MYO16: variants seen among roughly 807,000 people sequenced by gnomAD.
The protein encoded by MYO16 is unconventional myosin-XVI.
In MYO16, 94 loss-of-function variants were observed where a neutral mutation model predicts 205.3. That is an observed-to-expected ratio of 0.46 (90% CI 0.39 to 0.54). The LOEUF (loss-of-function observed/expected upper bound fraction) is 0.54. Among genes scored for constraint, MYO16 ranks in the 20% least tolerant of loss-of-function variants. MYO16 has a pLI of 0.00. For synonymous variants in MYO16, 988 were observed against 954.0 expected, an observed-to-expected ratio of 1.04 and a Z score of -0.66; for missense variants, 2,315 against 2,387.5, an observed-to-expected ratio of 0.97 and a Z score of 0.63.
At chr13:108,568,551 G>A in the MYO16 span, among the ~76,000 whole-genome samples, 11 of 152,164 alleles carry the variant, frequency 7.2e-5, no homozygotes, top group African/African-American at 2.4e-4. Context: ...TGATTGTTGA[G>A]TTGTGAAAGT....
intron 1 of MYO16, among the ~76,000 whole-genome samples, chr13:108,638,298 T>A (rs561408161): frequency 3.9e-5 from 6 of 152,258 alleles, no homozygotes; most frequent in Non-Finnish European, 7.3e-5. Flanking sequence ...TTTGTTTCAC[T>A]TTTTGTTAAT....
At chr13:108,714,343 C>A (rs919667110) in intron 3 of MYO16, among the ~76,000 whole-genome samples, 4 of 152,238 alleles carry the variant, frequency 2.6e-5, no homozygotes, top group Admixed American at 2.0e-4. Context: ...GCGTGAGCCA[C>A]CGTGCCCGCC....
chr13:109,034,827 C>A (rs1215087503), intron 23 of MYO16, among the ~76,000 whole-genome samples: 1 of 152,056 alleles, frequency 6.6e-6, no homozygotes, highest in East Asian at 1.9e-4. Flanking sequence ...CCATTCCTAG[C>A]CCCCTAAAAT....
intron 7 of MYO16, among the ~76,000 whole-genome samples, chr13:108,814,342 T>C (rs1267632537): frequency 2.0e-5 from 3 of 152,124 alleles, no homozygotes; most frequent in Non-Finnish European, 2.9e-5. Flanking sequence ...TCATTGTTTT[T>C]CTTTTCTTTC....
At chr13:108,657,972 T>A (rs1218682411) in intron 1 of MYO16, among the ~76,000 whole-genome samples, 2 of 152,214 alleles carry the variant, frequency 1.3e-5, no homozygotes, top group East Asian at 3.9e-4. Context: ...ATTCATGGGT[T>A]CATTTTGCTA....
chr13:108,787,641 AAAAACAAAAC>A (rs138724573), intron 5 of MYO16, among the ~76,000 whole-genome samples: 15 of 151,812 alleles, frequency 9.9e-5, no homozygotes, highest in African/African-American at 2.4e-4. Flanking sequence ...AGGAGTATGC[AAAAACAAAAC>A]AAAACAAAAC....
chr13:108,919,958 A>G (rs1047414064), intron 16 of MYO16, among the ~76,000 whole-genome samples: 3 of 152,246 alleles, frequency 2.0e-5, no homozygotes, highest in Non-Finnish European at 2.9e-5. Flanking sequence ...GTTCTCCCCA[A>G]ATTAAAATAT....
At chr13:108,574,791 T>G in the MYO16 span, among the ~76,000 whole-genome samples, 1 of 151,980 alleles carries the variant, frequency 6.6e-6, no homozygotes, top group African/African-American at 2.4e-5. Context: ...CTCCCTCAGT[T>G]TGTTAAACAC....
the MYO16 span, among the ~76,000 whole-genome samples, chr13:108,576,958 G>A: frequency 0.17 from 26,045 of 151,972 alleles, 2,472 homozygotes; most frequent in Non-Finnish European, 0.22. Context: ...ACAGGGCCTT[G>A]CTATGTTGCC....
chr13:109,107,238 A>G (rs1889146856), intron 28 of MYO16, among the ~76,000 whole-genome samples: 1 of 152,240 alleles, frequency 6.6e-6, no homozygotes, highest in Non-Finnish European at 1.5e-5. Flanking sequence ...CTTGTGAACA[A>G]AGAAATTCAC....
At chr13:109,200,509 C>A (rs967782457) in intron 34 of MYO16, among the ~76,000 whole-genome samples, 2 of 152,096 alleles carry the variant, frequency 1.3e-5, no homozygotes, top group African/African-American at 4.8e-5. Flanking sequence ...CTACATTATT[C>A]AATACATCAA....
chr13:109,048,478 G>GC, intron 24 of MYO16: 1 of 535,252 alleles, frequency 1.9e-6, no homozygotes. Context: ...CCTTGTTGCA[G>GC]TTACTCACCT....
intron 1 of MYO16, among the ~76,000 whole-genome samples, chr13:108,641,704 C>A (rs907547163): frequency 6.6e-6 from 1 of 152,226 alleles, no homozygotes; most frequent in African/African-American, 2.4e-5. Context: ...CCCTTCCACA[C>A]AGCACTCATG....
intron 2 of MYO16, among the ~76,000 whole-genome samples, chr13:108,667,664 A>G (rs1219727422): frequency 6.6e-6 from 1 of 152,196 alleles, no homozygotes; most frequent in Non-Finnish European, 1.5e-5. Context: ...GTTCTTGTTC[A>G]ACACACAGTA....
chr13:108,621,938 C>G (rs1428279912), intron 1 of MYO16, among the ~76,000 whole-genome samples: 2 of 151,904 alleles, frequency 1.3e-5, no homozygotes, highest in African/African-American at 4.8e-5. Context: ...ATAAACTAAA[C>G]TTTATCATAG....
chr13:109,104,541 A>G lies in MYO16; in HGVS notation c.3438+3654A>G, dbSNP rs185547647. 2.0e-5 allele frequency among the ~76,000 whole-genome samples: 3 copies of G among 152,272 alleles called. No individual in the cohort carries two copies. The East Asian group carries it at 5.8e-4, about 29-fold the overall frequency. ...GAGAAGGAAAAGGAGGAGTAAGGAA[A>G]GGAGACGATAGAGAAGGAGAAGAAC... On this transcript the variant is annotated intron_variant, in intron 28 of 34. Transcript: ENST00000457511.
intron 1 of MYO16, among the ~76,000 whole-genome samples, chr13:108,601,666 G>C (rs12583206): frequency 0.033 from 4,972 of 152,106 alleles, 184 homozygotes; most frequent in African/African-American, 0.095. Flanking sequence ...ACATTCACCT[G>C]CATCCCAGAC....
chr13:108,587,976 T>G, the MYO16 span, among the ~76,000 whole-genome samples: 2 of 146,330 alleles, frequency 1.4e-5, no homozygotes, highest in Non-Finnish European at 2.9e-5. Context: ...TGTTTGCAAA[T>G]GTAATGCAAG....
rs758999682 is a variant in MYO16, at chr13:109,044,951, G to C, written c.2797-1965G>C. ...GATCTGTCCACCTTGGCCTCCCAAA[G>C]TGCTGGGATTACAAGCGTGAGCCAC... is the stretch of plus-strand genomic sequence containing the variant. On this transcript the variant is annotated intron_variant, in intron 23 of 34. Transcript: ENST00000457511. 2.0e-4 allele frequency among the ~76,000 whole-genome samples: 30 copies of C among 152,182 alleles called. 1 individual carries two copies. The highest frequency in any genetic ancestry group is 1.1e-3 in the Admixed American group (17 of 15,284).
Sources: allele counts gnomAD v4.1 joint callset (sites outside exome capture counted in the v4.1 genomes callset), GRCh38; gene constraint gnomAD v4.1.1; transcripts MANE v1.5; gene names NCBI Gene and HGNC (gene_info 2026-07-23, HGNC 2026-07-21).